TM9SF4: variants seen among roughly 807,000 people sequenced by gnomAD.
TM9SF4 encodes dinucleotide oxidase disulfide thiol exchanger 3 superfamily member 4.
In TM9SF4, 26 loss-of-function variants were observed where a neutral mutation model predicts 90.4. The ratio of observed to expected loss-of-function variants is 0.29; its 90% CI spans 0.21 to 0.40. The LOEUF (loss-of-function observed/expected upper bound fraction) is 0.40. Ranked by LOEUF, TM9SF4 falls within the 10% of genes least tolerant of loss-of-function variation. The pLI, the probability that TM9SF4 is intolerant of heterozygous loss-of-function variation, is 1.00. For synonymous variants in TM9SF4, 293 were observed against 315.4 expected (o/e 0.93, Z 0.75); for missense variants, 549 against 834.8 (o/e 0.66, Z 4.22).
In TM9SF4 at chr20:32,141,761, T is replaced by C; in HGVS notation, c.399-5T>C. The C allele has an allele frequency of 1.2e-6, 2 of 1,614,054 alleles. No homozygotes were observed. Among genetic ancestry groups the C allele is most frequent in the Non-Finnish European group, 1.7e-6 (2 of 1,179,978 alleles). On this transcript the variant is annotated splice_region_variant and splice_polypyrimidine_tract_variant and intron_variant, in intron 4 of 17. Transcript: ENST00000398022. ...GAGGGACTGAGTGGGGCCTTCACTT[T>C]CCAGCATTGCTGACAACCTGCCTGT...
intron 3 of TM9SF4, among the ~76,000 whole-genome samples, chr20:32,139,358 G>A (rs576703742): frequency 6.6e-6 from 1 of 152,228 alleles, no homozygotes; most frequent in East Asian, 1.9e-4. Flanking sequence ...TTCCCACCTA[G>A]AACCTGGTTG....
In TM9SF4 at chr20:32,133,113, C is replaced by T. The variant is rs780304745; in HGVS notation, c.116C>T (p.Pro39Leu). The change falls in exon 2 of 18, where the codon CCC (proline) becomes CTC (leucine). Residue 39 changes from proline to leucine, a missense_variant. By Grantham distance (98) the Pro-to-Leu change is moderately conservative (BLOSUM62 -3). Coordinates refer to ENST00000398022, the MANE Select transcript of TM9SF4 (RefSeq NM_014742.4). ...CCTATCAACTTCCACCAGAACGATC[C>T]CGTAGAAATCAAGGTAAGTGTGTTC... ...VAPINFHQND[P>L]VEIKAVKLTS... The T allele has an allele frequency of 3.7e-6, 6 of 1,613,972 alleles. No homozygotes were observed. The highest frequency in any genetic ancestry group is 2.7e-5 in the African/African-American group (2 of 74,912).
At chr20:32,163,260 AAAAAAAAAATATAT>A (rs1412722334) in intron 17 of TM9SF4, among the ~76,000 whole-genome samples, 11 of 104,544 alleles carry the variant, frequency 1.1e-4, no homozygotes, top group African/African-American at 1.6e-4. Flanking sequence ...AAAAAAAAAA[AAAAAAAAAATATAT>A]ATATATATAT....
chr20:32,135,827 A>G (rs538225868), intron 2 of TM9SF4, among the ~76,000 whole-genome samples: 128 of 152,266 alleles, frequency 8.4e-4, no homozygotes, highest in Non-Finnish European at 1.5e-3. Flanking sequence ...GTGTCAAGGG[A>G]TAGTAGCATG....
At chr20:32,135,190 C>A (rs1329735698) in intron 2 of TM9SF4, among the ~76,000 whole-genome samples, 1 of 152,162 alleles carries the variant, frequency 6.6e-6, no homozygotes, top group Non-Finnish European at 1.5e-5. Flanking sequence ...CCTAAACATT[C>A]TTCTTCATTG....
chr20:32,114,411 G>A (rs1290479255), intron 1 of TM9SF4, among the ~76,000 whole-genome samples: 2 of 152,194 alleles, frequency 1.3e-5, no homozygotes, highest in African/African-American at 4.8e-5. Context: ...GTTCACTGCA[G>A]CCTCCACCTC....
At chr20:32,149,847 T>C in intron 10 of TM9SF4, 81 bp downstream of exon 10, 14 of 1,566,442 alleles carry the variant, frequency 8.9e-6, no homozygotes, top group Non-Finnish European at 1.1e-5. Context: ...TGGGCTTCCC[T>C]CCCTGGAGAA....
chr20:32,115,798 C>G (rs13042060), intron 1 of TM9SF4, among the ~76,000 whole-genome samples: 12,837 of 141,186 alleles, frequency 0.091, 979 homozygotes, highest in Non-Finnish European at 0.14. Context: ...CAAAACCTAC[C>G]ACTTTAAGCT....
intron 15 of TM9SF4, 68 bp from the exon 16 acceptor site, chr20:32,159,924 A>C: frequency 6.2e-7 from 1 of 1,605,244 alleles, no homozygotes; most frequent in Non-Finnish European, 8.5e-7. Flanking sequence ...CCCTTGTGAC[A>C]GGTTGGTGTG....
intron 1 of TM9SF4, among the ~76,000 whole-genome samples, chr20:32,111,792 G>A (rs543759827): frequency 2.6e-5 from 4 of 152,316 alleles, no homozygotes; most frequent in South Asian, 4.1e-4. Context: ...GTAAGGGGCC[G>A]ATGTGGAAGG....
intron 1 of TM9SF4, among the ~76,000 whole-genome samples, chr20:32,131,510 T>TGTG (rs2046512426): frequency 6.6e-5 from 6 of 90,858 alleles, no homozygotes; most frequent in African/African-American, 1.9e-4. Context: ...GTGTGTGTGT[T>TGTG]GGTTAGTTGG....
intron 3 of TM9SF4, among the ~76,000 whole-genome samples, chr20:32,139,280 A>G (rs1428301847): frequency 2.0e-5 from 3 of 152,214 alleles, no homozygotes; most frequent in Non-Finnish European, 4.4e-5. Context: ...AGATCTTGAT[A>G]TCTAAGTGCC....
intron 2 of TM9SF4, 69 bp from the exon 3 acceptor site, chr20:32,136,005 G>C: frequency 7.3e-7 from 1 of 1,362,554 alleles, no homozygotes; most frequent in Non-Finnish European, 1.0e-6. Flanking sequence ...ATATTACCAA[G>C]TGTACTAAAG....
At chr20:32,164,516 A>G (rs1251817069) in intron 17 of TM9SF4, among the ~76,000 whole-genome samples, 1 of 152,142 alleles carries the variant, frequency 6.6e-6, no homozygotes, top group Non-Finnish European at 1.5e-5. Flanking sequence ...TGTCCCTTTA[A>G]AGAAAAGGGG....
intron 1 of TM9SF4, among the ~76,000 whole-genome samples, chr20:32,130,077 A>C (rs554760377): frequency 7.8e-4 from 119 of 152,326 alleles, no homozygotes; most frequent in Middle Eastern, 3.4e-3. Flanking sequence ...TAATGCCTAT[A>C]GCCATGTGAA....
At chr20:32,118,950 G>A (rs1569044012) in intron 1 of TM9SF4, among the ~76,000 whole-genome samples, 1 of 152,092 alleles carries the variant, frequency 6.6e-6, no homozygotes, top group Non-Finnish European at 1.5e-5. Flanking sequence ...TTTAATAAGG[G>A]TGATCCATGT....
rs373728643 is a variant in TM9SF4 at position 32,132,270 on chromosome 20, G to A, written c.16-743G>A. On this transcript the variant is annotated intron_variant, in intron 1 of 17. Transcript: ENST00000398022. Reference sequence around the variant, plus strand: ...AATAGAAAAATTAGCCAGGTGAGGTGGTGGATGCCTGTAGTCCCAGCTACT... The same window carrying A: ...AATAGAAAAATTAGCCAGGTGAGGTAGTGGATGCCTGTAGTCCCAGCTACT... Among the ~76,000 whole-genome samples the A allele has an allele frequency of 3.3e-5, 5 of 152,292 alleles. No individual in the cohort carries two copies. In the East Asian group the frequency reaches 9.6e-4, roughly 29 times the overall value.
At position 32,126,106 on chromosome 20, in the gene TM9SF4, C is replaced by CACACACACACACAG. The variant is rs368553951; in HGVS notation, c.16-6906_16-6905insCACACACACACAGA. 4.2e-4 allele frequency among the ~76,000 whole-genome samples: 63 copies of CACACACACACACAG among 148,714 alleles called. 2 individuals carry two copies. In the East Asian group the frequency reaches 4.4e-3, roughly 10 times the overall value. On this transcript the variant is annotated intron_variant, in intron 1 of 17. Transcript: ENST00000398022. ...ACACACACACACACACACACACACACAGTAGCCAGAGTAACCTTTAAAACT... is the reference window on the plus strand; with the variant it reads ...ACACACACACACACACACACACACACACACACACACACAGAGTAGCCAGAGTAACCTTTAAAACT...
chr20:32,115,807 C>CTTTTTTT (rs386393622), intron 1 of TM9SF4, among the ~76,000 whole-genome samples: 39 of 95,160 alleles, frequency 4.1e-4, no homozygotes, highest in Non-Finnish European at 5.0e-4. Flanking sequence ...CCACTTTAAG[C>CTTTTTTT]TTTTTTTTTT....
Sources: gnomAD v4.1 joint callset for allele counts (sites outside exome capture counted in the v4.1 genomes callset) on GRCh38, gnomAD v4.1.1 for gene constraint, MANE v1.5 for transcripts, NCBI Gene and HGNC (gene_info 2026-07-23, HGNC 2026-07-21) for gene names.